Variants in CEP350 observed in about 807,000 individuals in gnomAD.
The protein encoded by CEP350 is centrosomal protein 350.
Under a neutral mutation model 331.8 loss-of-function variants are expected in CEP350, and 126 were observed. The observed-to-expected ratio is 0.38, with a 90% CI of 0.33 to 0.44. CEP350 has a LOEUF of 0.44. Ranked by LOEUF, CEP350 falls within the 20% of genes least tolerant of loss-of-function variation. The pLI is 1.00. For missense variants in CEP350, 3,406 were observed against 3,634.6 expected, an observed-to-expected ratio of 0.94 and a Z score of 1.62; for synonymous variants, 1,200 against 1,259.5, an observed-to-expected ratio of 0.95 and a Z score of 1.00.
Position 179,990,520 on chromosome 1 carries a change from A to G in CEP350, c.134A>G (p.Glu45Gly). 6.3e-7 allele frequency: 1 copy of G among 1,586,624 alleles called. No homozygotes were observed. The highest frequency in any genetic ancestry group is 8.6e-7 in the Non-Finnish European group (1 of 1,163,180). Reference protein sequence around the residue: ...SQTKAALRHIENKLEVAPTST... With the variant: ...SQTKAALRHIGNKLEVAPTST... ...TTTAAACTTTAGCTGAGACACATTG[A>G]AAATAAATTAGAAGTAGCCCCTACA... is the stretch of plus-strand genomic sequence containing the variant. The change falls in exon 4 of 38, where the codon GAA becomes GGA. Residue 45 changes from glutamate to glycine, a missense_variant. Physicochemically the swap from Glu to Gly is moderately conservative, Grantham distance 98 (BLOSUM62 -2). Around this residue, in one of 5 missense-constraint regions of CEP350, gnomAD observed 1,857 missense variants for 1,909.2 expected, o/e 0.97. Coordinates refer to ENST00000367607, the MANE Select transcript of CEP350 (RefSeq NM_014810.5).
intron 3 of CEP350, among the ~76,000 whole-genome samples, chr1:179,989,992 C>T (rs775323244): frequency 6.6e-5 from 10 of 151,160 alleles, no homozygotes; most frequent in Admixed American, 2.0e-4. Context: ...AGATCGAGAC[C>T]AGCCTGGCCA....
Position 180,066,869 on chromosome 1 carries a change from C to T in CEP350, c.5567+1597C>T, listed in dbSNP as rs1658575997. On this transcript the variant is annotated intron_variant, in intron 27 of 37. Coordinates refer to ENST00000367607, the MANE Select transcript of CEP350 (RefSeq NM_014810.5). Reference sequence around the variant, plus strand: ...AATAATCTCTCATAGATTTTTATCACTAATTTGACATTGTAGATCTGCTAC... The same window carrying T: ...AATAATCTCTCATAGATTTTTATCATTAATTTGACATTGTAGATCTGCTAC... Among the ~76,000 whole-genome samples, 4 of 152,090 alleles carry T rather than the reference C, an allele frequency of 2.6e-5. No individual in the cohort carries two copies. In the South Asian group the frequency reaches 8.3e-4, roughly 32 times the overall value.
At position 180,078,521 on chromosome 1, in the gene CEP350, C is replaced by G. The variant is rs759540475; in HGVS notation, c.5826C>G (p.Ser1942Arg). 3.1e-6 allele frequency: 5 copies of G among 1,613,624 alleles called. No individual in the cohort carries two copies. In the South Asian group the frequency reaches 4.4e-5, roughly 14 times the overall value. Reference protein sequence around the residue: ...VPLYSHLNSESSIPEELGSPA... With the variant: ...VPLYSHLNSERSIPEELGSPA... ...TGTACTCTCATCTAAACAGTGAAAGCTCCATTCCAGAAGAATTAGGCAGCC... is the reference window on the plus strand; with the variant it reads ...TGTACTCTCATCTAAACAGTGAAAGGTCCATTCCAGAAGAATTAGGCAGCC... The change falls in exon 29 of 38, where the codon AGC becomes AGG. Residue 1942 changes from serine to arginine, a missense_variant. Transcript: ENST00000367607.
intron 25 of CEP350, among the ~76,000 whole-genome samples, chr1:180,056,465 T>TCCCC (rs58710356): frequency 1.2e-4 from 4 of 34,260 alleles, no homozygotes; most frequent in East Asian, 1.0e-3. Context: ...CTTCTGCCCC[T>TCCCC]CCCCCCCCCC....
At chr1:180,058,959 A>G (rs1658033630) in intron 25 of CEP350, among the ~76,000 whole-genome samples, 1 of 152,208 alleles carries the variant, frequency 6.6e-6, no homozygotes, top group Non-Finnish European at 1.5e-5. Flanking sequence ...CCCTCCCTGA[A>G]GTGACATTCA....
At chr1:180,018,309 A>G (rs1009404570) in intron 11 of CEP350, among the ~76,000 whole-genome samples, 2 of 152,130 alleles carry the variant, frequency 1.3e-5, no homozygotes, top group African/African-American at 4.8e-5. Flanking sequence ...GTGAGCTACC[A>G]TGCCCAGCTC....
chr1:180,041,497 A>T (rs78244411), intron 18 of CEP350, among the ~76,000 whole-genome samples, 165 bp from the exon 19 acceptor site: 1 of 152,244 alleles, frequency 6.6e-6, no homozygotes, highest in South Asian at 2.1e-4. Flanking sequence ...CCACAGATAC[A>T]GTAACTTGTG....
chr1:180,103,565 A>G (rs535551007), intron 37 of CEP350, among the ~76,000 whole-genome samples: 8 of 152,086 alleles, frequency 5.3e-5, no homozygotes, highest in Admixed American at 2.0e-4. Context: ...TTTTCCATTT[A>G]AGATTGTGTG....
Position 180,080,923 on chromosome 1 carries a change from G to A in CEP350, c.6124+262G>A, listed in dbSNP as rs113604601. On this transcript the variant is annotated intron_variant, in intron 30 of 37. Coordinates refer to ENST00000367607, the MANE Select transcript of CEP350 (RefSeq NM_014810.5). ...CACTCAGGCTGGAGTGCAGTGGTGC[G>A]ATCTTGTCTCACTGCAACCTCCGCC... Among the ~76,000 whole-genome samples, 1,516 of 152,028 alleles carry A rather than the reference G, an allele frequency of 1.0e-2. 27 individuals are homozygous for A. The highest frequency in any genetic ancestry group is 0.032 in the African/African-American group (1,341 of 41,432).
chr1:179,986,384 T>C, intron 2 of CEP350, 130 bp downstream of exon 2: 1 of 578,322 alleles, frequency 1.7e-6, no homozygotes. Context: ...TTTAAAATTC[T>C]CTTATATTTT....
At chr1:180,077,992 G>T (rs568602519) in intron 28 of CEP350, among the ~76,000 whole-genome samples, 1 of 152,250 alleles carries the variant, frequency 6.6e-6, no homozygotes, top group African/African-American at 2.4e-5. Context: ...AATTAGCTGG[G>T]TGTGGTGGCA....
chr1:179,980,679 A>G (rs16855048), intron 1 of CEP350, among the ~76,000 whole-genome samples: 22,953 of 152,008 alleles, frequency 0.15, 1,892 homozygotes, highest in African/African-American at 0.2. Context: ...GTACTAGATT[A>G]TGAGATTGTA....
chr1:180,006,849 C>A (rs1342877186), intron 8 of CEP350, among the ~76,000 whole-genome samples: 1 of 152,268 alleles, frequency 6.6e-6, no homozygotes, highest in South Asian at 2.1e-4. Flanking sequence ...TGAGTGAGAA[C>A]ATGCAGTGTT....
In CEP350 at chr1:180,100,307, C is replaced by T. The variant is rs1251391339; in HGVS notation, c.9189+1322C>T. Among the ~76,000 whole-genome samples, 3 of 152,194 alleles carry T rather than the reference C, an allele frequency of 2.0e-5. No homozygotes were observed. In the East Asian group the frequency reaches 5.8e-4, roughly 29 times the overall value. ...AAATAAGAGACGAGATTTTAATCAA[C>T]TAATTCTTCATAGATCTTCACATCT... On this transcript the variant is annotated intron_variant, in intron 37 of 37. Transcript: ENST00000367607.
intron 37 of CEP350, among the ~76,000 whole-genome samples, chr1:180,102,276 G>C (rs7412536): frequency 0.72 from 109,384 of 151,830 alleles, 40,457 homozygotes; most frequent in Admixed American, 0.8. Context: ...GCTGGGATTA[G>C]AGGCGCATGC....
chr1:180,065,058 T>C (rs1361270774), intron 26 of CEP350, 57 bp from the exon 27 acceptor site: 1 of 1,482,256 alleles, frequency 6.7e-7, no homozygotes, highest in East Asian at 2.4e-5. Flanking sequence ...GACAGTATTA[T>C]GATGGCTTCA....
Position 180,094,311 on chromosome 1 carries a change from T to G in CEP350, c.8206T>G (p.Ser2736Ala). The change falls in exon 34 of 38, where the codon TCA (serine) becomes GCA (alanine). Residue 2736 changes from serine to alanine, a missense_variant. This residue lies in a region of CEP350 where 1,415 missense variants were observed against 1,512.3 expected (regional missense o/e 0.94). Coordinates refer to ENST00000367607, the MANE Select transcript of CEP350 (RefSeq NM_014810.5). ...EKNQLEAQLK[S>A]SLNEEKKSKQ... ...AAACCAACTGGAAGCCCAGCTGAAG[T>G]CATCACTAAATGAGGAAAAAAAGTC... The G allele has an allele frequency of 1.2e-6, 2 of 1,613,780 alleles. No homozygotes were observed. The highest frequency in any genetic ancestry group is 2.2e-5 in the South Asian group (2 of 91,050).
At chr1:179,960,936 A>G (rs1210989721) in intron 1 of CEP350, among the ~76,000 whole-genome samples, 1 of 152,186 alleles carries the variant, frequency 6.6e-6, no homozygotes, top group Non-Finnish European at 1.5e-5. Flanking sequence ...AATAACTGGC[A>G]TACTGAGGGG....
chr1:180,077,492 G>C (rs908964124), intron 28 of CEP350, among the ~76,000 whole-genome samples: 2 of 151,656 alleles, frequency 1.3e-5, no homozygotes, highest in Admixed American at 6.6e-5. Context: ...TGGGCAACAT[G>C]ACCAAACACT....
Sources: allele counts gnomAD v4.1 joint callset (sites outside exome capture counted in the v4.1 genomes callset), GRCh38; gene constraint gnomAD v4.1.1; regional missense constraint gnomAD v4.1.1; transcripts MANE v1.5; gene names NCBI Gene and HGNC (gene_info 2026-07-23, HGNC 2026-07-21).